BAZ1A: variants seen among roughly 807,000 people sequenced by gnomAD.
BAZ1A encodes the protein bromodomain adjacent to zinc finger domain 1A, also known as bromodomain adjacent to zinc finger domain protein 1A.
BAZ1A carries 50 observed loss-of-function variants against 185.2 expected under a neutral mutation model. That is an observed-to-expected ratio of 0.27 (90% CI 0.22 to 0.34). The LOEUF is 0.34. Ranked by LOEUF, BAZ1A falls within the 10% of genes least tolerant of loss-of-function variation. The pLI is 1.00. For missense variants in BAZ1A, 1,356 were observed against 1,839.9 expected, an observed-to-expected ratio of 0.74 and a Z score of 4.81; for synonymous variants, 571 against 615.6, an observed-to-expected ratio of 0.93 and a Z score of 1.07.
intron 3 of BAZ1A, among the ~76,000 whole-genome samples, chr14:34,829,273 A>G (rs1272278797): frequency 3.9e-4 from 13 of 33,168 alleles, no homozygotes; most frequent in Non-Finnish European, 8.2e-4. Flanking sequence ...CTCTGAAAAA[A>G]AAAAAAAAAA....
At chr14:34,830,515 C>T (rs568355123) in intron 3 of BAZ1A, among the ~76,000 whole-genome samples, 190 of 104,832 alleles carry the variant, frequency 1.8e-3, no homozygotes, top group African/African-American at 5.4e-3. Flanking sequence ...AACTTGGCGG[C>T]GGGGGATGGC....
intron 3 of BAZ1A, among the ~76,000 whole-genome samples, chr14:34,851,933 C>T (rs112309032): frequency 0.063 from 9,482 of 151,560 alleles, 391 homozygotes; most frequent in Non-Finnish European, 0.097. Context: ...CGAGATCATC[C>T]TGGCTAACAT....
intron 2 of BAZ1A, among the ~76,000 whole-genome samples, chr14:34,871,820 G>A (rs1434606791): frequency 1.3e-5 from 2 of 152,178 alleles, no homozygotes; most frequent in African/African-American, 4.8e-5. Context: ...GCAGTGAGCC[G>A]AGATGGCACC....
chr14:34,781,309 G>T (rs1191528658), intron 16 of BAZ1A, among the ~76,000 whole-genome samples: 1 of 152,074 alleles, frequency 6.6e-6, no homozygotes, highest in Non-Finnish European at 1.5e-5. Flanking sequence ...CAATTTAGTG[G>T]TCTTTAGTGT....
At chr14:34,810,403 A>G (rs554439426) in intron 5 of BAZ1A, among the ~76,000 whole-genome samples, 1 of 152,220 alleles carries the variant, frequency 6.6e-6, no homozygotes, top group Non-Finnish European at 1.5e-5. Context: ...CTTTTTAAAG[A>G]TACTCATTTT....
At chr14:34,761,619 C>T in intron 24 of BAZ1A, 138 bp downstream of exon 24, 1 of 705,168 alleles carries the variant, frequency 1.4e-6, no homozygotes, top group East Asian at 2.7e-5. Flanking sequence ...GACTATTATG[C>T]TTCAGGTCAG....
chr14:34,780,336 T>C, intron 16 of BAZ1A, 26 bp from the exon 17 acceptor site: 1 of 1,587,950 alleles, frequency 6.3e-7, no homozygotes, highest in Non-Finnish European at 8.6e-7. Context: ...AAAGATGACA[T>C]TTACTAATGA....
At chr14:34,807,780 T>C (rs2041868048) in intron 5 of BAZ1A, among the ~76,000 whole-genome samples, 1 of 151,994 alleles carries the variant, frequency 6.6e-6, no homozygotes, top group East Asian at 1.9e-4. Flanking sequence ...AAAACAGCAA[T>C]ATGCATTTGT....
chr14:34,844,495 G>A (rs1014326458), intron 3 of BAZ1A, among the ~76,000 whole-genome samples: 4 of 151,908 alleles, frequency 2.6e-5, no homozygotes, highest in South Asian at 2.1e-4. Context: ...TTCCAAAATT[G>A]GCTGGACGTA....
chr14:34,791,395 TC>T (rs1244869708), intron 12 of BAZ1A, among the ~76,000 whole-genome samples: 1 of 152,222 alleles, frequency 6.6e-6, no homozygotes. Context: ...AAAAGAATTA[TC>T]ATTTAATTGA....
rs114102205 is a variant in BAZ1A at position 34,840,409 on chromosome 14, C to T, written c.393-14253G>A. ...GATTTATGTACATCAAAATAAAGTA[C>T]ATAAAAACAACTGAAAGAATTTACA... On this transcript the variant is annotated intron_variant, in intron 3 of 26. Transcript: ENST00000360310. 4.1e-3 allele frequency among the ~76,000 whole-genome samples: 618 copies of T among 152,120 alleles called. 9 individuals are homozygous for T. Among genetic ancestry groups the T allele is most frequent in the African/African-American group, 0.014 (581 of 41,518 alleles).
intron 21 of BAZ1A, among the ~76,000 whole-genome samples, chr14:34,766,258 G>A (rs550272271): frequency 5.3e-5 from 8 of 152,286 alleles, no homozygotes; most frequent in Non-Finnish European, 8.8e-5. Flanking sequence ...TATTACTATC[G>A]TTATTAGTGC....
intron 21 of BAZ1A, 118 bp downstream of exon 21, chr14:34,771,393 C>A: frequency 1.0e-6 from 1 of 996,056 alleles, no homozygotes; most frequent in Non-Finnish European, 1.5e-6. Flanking sequence ...ATGAAAACAT[C>A]TCAAGTTTTT....
At chr14:34,812,231 G>A (rs1223061438) in intron 4 of BAZ1A, among the ~76,000 whole-genome samples, 1 of 151,202 alleles carries the variant, frequency 6.6e-6, no homozygotes, top group Non-Finnish European at 1.5e-5. Flanking sequence ...GATCTGGGGG[G>A]GGAGGGGAAC....
intron 20 of BAZ1A, among the ~76,000 whole-genome samples, chr14:34,773,334 C>T (rs1001805262): frequency 2.2e-4 from 33 of 151,302 alleles, no homozygotes; most frequent in African/African-American, 7.8e-4. Flanking sequence ...AAAAAAAAAA[C>T]TTTAAGAAAT....
chr14:34,765,361 T>A (rs1878769877), intron 21 of BAZ1A, 93 bp from the exon 22 acceptor site: 1 of 1,439,700 alleles, frequency 6.9e-7, no homozygotes, highest in Admixed American at 2.2e-5. Flanking sequence ...ATAGGTTAGA[T>A]TTTACATTTC....
intron 25 of BAZ1A, among the ~76,000 whole-genome samples, chr14:34,757,684 C>T (rs1886318784): frequency 6.6e-6 from 1 of 150,708 alleles, no homozygotes; most frequent in African/African-American, 2.4e-5. Context: ...ACAAAAACAA[C>T]AAAAAAAGAA....
At chr14:34,805,940 G>A (rs1390159240) in intron 6 of BAZ1A, among the ~76,000 whole-genome samples, 1 of 150,978 alleles carries the variant, frequency 6.6e-6, no homozygotes, top group Non-Finnish European at 1.5e-5. Context: ...GGAGTGCAGT[G>A]GCGCAATCTT....
rs984725463 is a variant in BAZ1A, at chr14:34,758,961, T to C, written c.4244-115A>G. The C allele has an allele frequency of 1.7e-5, 17 of 972,510 alleles. 1 individual carries two copies. The highest frequency in any genetic ancestry group is 2.2e-5 in the Non-Finnish European group (15 of 670,328). 60.2% of individuals were successfully genotyped at this position (972,510 alleles called of 1,614,324 possible). ...AACAGAAAATAGACACTCCGTACAC[T>C]GAGATGTTAACTATTTTCTGGGAGA... is the stretch of plus-strand genomic sequence containing the variant. On this transcript the variant is annotated intron_variant, in intron 24 of 26. Transcript: ENST00000360310.
Sources: gnomAD v4.1 joint callset for allele counts (sites outside exome capture counted in the v4.1 genomes callset) on GRCh38, gnomAD v4.1.1 for gene constraint, MANE v1.5 for transcripts, NCBI Gene and HGNC (gene_info 2026-07-23, HGNC 2026-07-21) for gene names.